The following CLTC variants were observed in gnomAD, a reference collection of about 807,000 sequenced individuals.
The protein encoded by CLTC is clathrin heavy chain.
CLTC carries 16 observed loss-of-function variants against 195.8 expected under a neutral mutation model. The observed-to-expected ratio is 0.08, with a 90% CI of 0.06 to 0.12. The LOEUF is 0.12. Among genes scored for constraint, CLTC ranks in the 10% least tolerant of loss-of-function variants. The probability of loss-of-function intolerance (pLI) is 1.00; values close to 1 mark genes in which losing one functional copy is unlikely to be tolerated. For synonymous variants in CLTC, 667 were observed against 689.4 expected, an observed-to-expected ratio of 0.97 and a Z score of 0.51; for missense variants, 796 against 2,027.0, an observed-to-expected ratio of 0.39 and a Z score of 11.66.
chr17:59,643,132 G>GCTGTGT (rs1555602771), intron 1 of CLTC, among the ~76,000 whole-genome samples: 2 of 142,234 alleles, frequency 1.4e-5, no homozygotes, highest in African/African-American at 2.8e-5. Context: ...TCTTTTCTGG[G>GCTGTGT]GTGTGTGTGT....
intron 1 of CLTC, among the ~76,000 whole-genome samples, chr17:59,623,265 A>T (rs1468367672): frequency 6.6e-6 from 1 of 152,198 alleles, no homozygotes; most frequent in Admixed American, 6.5e-5. Flanking sequence ...CGGATTGTGA[A>T]TAGAAAGCAA....
intron 8 of CLTC, among the ~76,000 whole-genome samples, 154 bp from the exon 9 acceptor site, chr17:59,663,688 G>A (rs549620814): frequency 2.0e-5 from 3 of 152,204 alleles, no homozygotes; most frequent in Non-Finnish European, 4.4e-5. Context: ...ACAAGATTAA[G>A]AGTCTACCAA....
At chr17:59,674,498 A>G in intron 15 of CLTC, 4 of 536,558 alleles carry the variant, frequency 7.5e-6, no homozygotes, top group Non-Finnish European at 1.3e-5. Context: ...TTATTAAACC[A>G]TGAAGTCTTG....
rs200150712 is a variant in CLTC, at chr17:59,681,623, C to T, written c.3250-24C>T. The T allele has an allele frequency of 6.3e-7, 1 of 1,597,616 alleles. No homozygotes were observed. Among genetic ancestry groups the T allele is most frequent in the African/African-American group, 1.3e-5 (1 of 74,370 alleles). On this transcript the variant is annotated intron_variant, in intron 20 of 31. Transcript: ENST00000269122. This position sits in a 1 kb window ranked among gnomAD's most constrained non-coding sequence, Gnocchi z 5.0. ...GGGTAGGATTGATTTTACTCTAACC[C>T]TAATTTCAAACTTGGATACTTAGGT...
At chr17:59,677,368 C>T (rs768005390) in intron 17 of CLTC, among the ~76,000 whole-genome samples, 180 bp downstream of exon 17, 1 of 152,016 alleles carries the variant, frequency 6.6e-6, no homozygotes, top group Non-Finnish European at 1.5e-5. Context: ...GTCTATATAC[C>T]CTTTATTCTG....
At position 59,619,922 on chromosome 17, in the gene CLTC, C is replaced by T. The variant is rs998813564; in HGVS notation, c.-210C>T. 3.7e-6 allele frequency: 2 copies of T among 540,796 alleles called. No homozygotes were observed. Among genetic ancestry groups the T allele is most frequent in the East Asian group, 3.0e-5 (1 of 33,374 alleles). The allele number at this position is 540,796 out of a possible 1,614,324, so 33.5% of individuals were successfully genotyped here. A position where few individuals can be genotyped will look rare whatever the true frequency, so the allele number is the denominator to read the frequency against. On this transcript the variant is annotated 5_prime_UTR_variant, in exon 1 of 32. Coordinates refer to ENST00000269122, the MANE Select transcript of CLTC (RefSeq NM_004859.4). ...CCGTTTCCGGAGTCTGCGCTGCGCC[C>T]GGTTCCGCCATTGCGGCTCTCCTGG...
At chr17:59,654,746 G>T (rs1047791728) in intron 5 of CLTC, among the ~76,000 whole-genome samples, 1 of 152,230 alleles carries the variant, frequency 6.6e-6, no homozygotes, top group Non-Finnish European at 1.5e-5. Flanking sequence ...CTCCTAAAGT[G>T]CTAGGATTAC....
chr17:59,630,492 G>T (rs146367694), intron 1 of CLTC, among the ~76,000 whole-genome samples: 122 of 152,190 alleles, frequency 8.0e-4, no homozygotes, highest in African/African-American at 2.4e-3. Context: ...TCACAGTGTC[G>T]TGCAGCCAAC....
At position 59,693,779 on chromosome 17, in the gene CLTC, A is replaced by G; in HGVS notation, c.4955A>G (p.Gln1652Arg). Residue 1652 changes from glutamine (Q) to arginine (R), a missense_variant, in exon 32 of 32, where the codon CAG becomes CGG. This residue lies in a region of CLTC where 148 missense variants were observed against 279.5 expected (regional missense o/e 0.53). Transcript: ENST00000269122. ...GGACCCAGTGTTGCCGTCCCTCCCC[A>G]GGCACCTTTTGGTTATGGTTATACC... Reference protein sequence around the residue: ...TAGPSVAVPPQAPFGYGYTAP... With the variant: ...TAGPSVAVPPRAPFGYGYTAP... 1.2e-6 allele frequency: 2 copies of G among 1,613,852 alleles called. No homozygotes were observed. Among genetic ancestry groups the G allele is most frequent in the Non-Finnish European group, 1.7e-6 (2 of 1,179,874 alleles).
At chr17:59,620,411 A>G (rs947517134) in intron 1 of CLTC, among the ~76,000 whole-genome samples, 3 of 152,126 alleles carry the variant, frequency 2.0e-5, no homozygotes, top group African/African-American at 4.8e-5. Flanking sequence ...CCTGGATCCA[A>G]AGGCCTCTCG....
rs1436673161 is a variant in CLTC, at chr17:59,696,511, C to A, written c.*2659C>A. On this transcript the variant is annotated 3_prime_UTR_variant, in exon 32 of 32. Transcript: ENST00000269122. ...TTTTAGAAATTACTGTCAGTATCCT[C>A]CTAAAAGAAGGCTTAAATAGTTTCT... 1 of 145,632 alleles carries A rather than the reference C, an allele frequency of 6.9e-6. No homozygotes were observed. The highest frequency in any genetic ancestry group is 1.2e-5 in the Non-Finnish European group (1 of 80,436). 9.0% of individuals were successfully genotyped at this position (145,632 alleles called of 1,614,324 possible).
intron 1 of CLTC, among the ~76,000 whole-genome samples, chr17:59,626,768 T>C (rs112695355): frequency 2.6e-4 from 40 of 152,376 alleles, no homozygotes; most frequent in African/African-American, 9.6e-4. Context: ...TGGCTAATGC[T>C]CTTAACTCAA....
chr17:59,619,992 C>T lies in CLTC; in HGVS notation c.-140C>T, dbSNP rs771977330. On this transcript the variant is annotated 5_prime_UTR_variant, in exon 1 of 32. Coordinates refer to ENST00000269122, the MANE Select transcript of CLTC (RefSeq NM_004859.4). ...CGACCCGAGCTCTTTCGTCTGCCTG[C>T]CAGTTTCCTGCGTCCCCGGAGAGGA... is the stretch of plus-strand genomic sequence containing the variant. 1.0e-3 allele frequency: 721 copies of T among 699,046 alleles called. 2 individuals are homozygous for T. Among genetic ancestry groups the T allele is most frequent in the Middle Eastern group, 2.1e-3 (7 of 3,302 alleles). The allele number at this position is 699,046 out of a possible 1,614,324, so 43.3% of individuals were successfully genotyped here.
Position 59,660,429 on chromosome 17 carries a change from T to G in CLTC, c.1008T>G (p.Pro336=). The G allele has an allele frequency of 6.2e-7, 1 of 1,614,120 alleles. No individual in the cohort carries two copies. Among genetic ancestry groups the G allele is most frequent in the Non-Finnish European group, 8.5e-7 (1 of 1,179,988 alleles). ...GTGTGGAAGAAGAAAACATAATTCC[T>G]TACATCACCAATGTTCTACAAAATC... ...SVCVEEENII[P]YITNVLQNPD... Residue 336 remains proline, a synonymous_variant, in exon 7 of 32, where the codon CCT becomes CCG. Transcript: ENST00000269122.
intron 31 of CLTC, 150 bp from the exon 32 acceptor site, chr17:59,693,578 T>C: frequency 3.2e-6 from 3 of 952,276 alleles, no homozygotes; most frequent in South Asian, 1.8e-5. Context: ...CATGCTAAAA[T>C]TGTAGCAATC....
intron 1 of CLTC, among the ~76,000 whole-genome samples, chr17:59,637,394 G>A (rs774000956): frequency 3.3e-5 from 5 of 150,882 alleles, no homozygotes; most frequent in Admixed American, 2.0e-4. Context: ...ACAGGTGCCC[G>A]TCACCACACC....
intron 1 of CLTC, among the ~76,000 whole-genome samples, chr17:59,633,452 C>T (rs910144949): frequency 2.0e-5 from 3 of 151,934 alleles, no homozygotes; most frequent in African/African-American, 7.3e-5. Flanking sequence ...GAGATCATGC[C>T]ATTGCACTCC....
At chr17:59,676,918 G>C in intron 16 of CLTC, 36 bp from the exon 17 acceptor site, 1 of 1,413,384 alleles carries the variant, frequency 7.1e-7, no homozygotes, top group Admixed American at 1.7e-5. Context: ...TTATAATACA[G>C]TATGTGTGTG....
chr17:59,690,795 A>G, intron 31 of CLTC, 84 bp downstream of exon 31: 2 of 1,033,110 alleles, frequency 1.9e-6, no homozygotes, highest in South Asian at 2.9e-5. Context: ...GAATACAACA[A>G]GCTTCTAAAG....
Sources: allele counts gnomAD v4.1 joint callset (sites outside exome capture counted in the v4.1 genomes callset), GRCh38; gene constraint gnomAD v4.1.1; regional missense constraint gnomAD v4.1.1; non-coding constraint Gnocchi (gnomAD v3.1); transcripts MANE v1.5; gene names NCBI Gene and HGNC (gene_info 2026-07-23, HGNC 2026-07-21).